NRG1: variants seen among roughly 807,000 people sequenced by gnomAD.
The protein encoded by NRG1 is neuregulin 1, also known as pro-neuregulin-1, membrane-bound isoform.
NRG1 carries 18 observed loss-of-function variants against 63.8 expected under a neutral mutation model. The observed-to-expected ratio is 0.28, with a 90% confidence interval of 0.19 to 0.42. The LOEUF (loss-of-function observed/expected upper bound fraction) is 0.42, where lower values mean the gene tolerates loss of function less well. Among genes scored for constraint, NRG1 ranks in the 10% least tolerant of loss-of-function variants. The pLI is 1.00. For synonymous variants in NRG1, 302 were observed against 301.3 expected, an observed-to-expected ratio of 1.00 and a Z score of -0.02; for missense variants, 762 against 814.7, an observed-to-expected ratio of 0.94 and a Z score of 0.79.
intron 1 of NRG1, among the ~76,000 whole-genome samples, chr8:32,132,583 A>G (rs1201974928): frequency 1.3e-5 from 2 of 151,672 alleles, no homozygotes; most frequent in Admixed American, 6.6e-5. Flanking sequence ...TTTCTTTCCT[A>G]TTTGCTAAGT....
chr8:31,805,981 A>T (rs533767897), intron 1 of NRG1, among the ~76,000 whole-genome samples: 2 of 152,166 alleles, frequency 1.3e-5, no homozygotes, highest in Non-Finnish European at 2.9e-5. Flanking sequence ...TTGCCACCTA[A>T]TGCCCATCAA....
At chr8:31,954,258 C>T (rs1360004532) in intron 1 of NRG1, among the ~76,000 whole-genome samples, 3 of 152,094 alleles carry the variant, frequency 2.0e-5, no homozygotes, top group Non-Finnish European at 4.4e-5. Flanking sequence ...GGTGAAGACA[C>T]TGAAATAACT....
intron 1 of NRG1, among the ~76,000 whole-genome samples, chr8:32,397,116 GTAGGTAGATAGATAGA>G (rs1417580465): frequency 7.2e-5 from 11 of 152,120 alleles, no homozygotes; most frequent in Middle Eastern, 3.2e-3. Flanking sequence ...AGGCAGATTA[GTAGGTAGATAGATAGA>G]TAGGTAGATA....
intron 1 of NRG1, among the ~76,000 whole-genome samples, chr8:31,857,541 C>T (rs984702132): frequency 1.3e-5 from 2 of 152,198 alleles, no homozygotes; most frequent in Non-Finnish European, 2.9e-5. Flanking sequence ...GAACCCGGTA[C>T]CTCAGATGGA....
chr8:32,434,746 A>G (rs1413534565), intron 1 of NRG1, among the ~76,000 whole-genome samples: 1 of 152,178 alleles, frequency 6.6e-6, no homozygotes, highest in Non-Finnish European at 1.5e-5. Flanking sequence ...CAGCCCTCCC[A>G]TATCTGGGGA....
At chr8:32,315,552 G>C (rs142750157) in intron 1 of NRG1, among the ~76,000 whole-genome samples, 1 of 152,142 alleles carries the variant, frequency 6.6e-6, no homozygotes, top group African/African-American at 2.4e-5. Flanking sequence ...CACACTCACC[G>C]AACTTTGCTT....
rs970789496 is a variant in NRG1, at chr8:32,703,991, G to C, written c.503-23958G>C. Among the ~76,000 whole-genome samples, 11 of 152,318 alleles carry C rather than the reference G, an allele frequency of 7.2e-5. No individual in the cohort carries two copies. In the East Asian group the frequency reaches 1.7e-3, roughly 24 times the overall value. On this transcript the variant is annotated intron_variant, in intron 5 of 11. Coordinates refer to ENST00000356819, the Ensembl canonical transcript of NRG1. The stretch of plus-strand genomic sequence containing the variant: ...GATACCATCAGCAAAAATGGAATAT[G>C]CTGAACAAGCACTTACAAAGTAGTG...
rs558012331 is a variant in NRG1 at position 32,633,873 on chromosome 8, G to A, written c.502+16988G>A. ...GGGAGCAGTAGTCTGTAGATGAGTC[G>A]ACTCTCACCTGTAGTCCCAGTACTT... On this transcript the variant is annotated intron_variant, in intron 5 of 11. Transcript: ENST00000356819. 8.5e-5 allele frequency among the ~76,000 whole-genome samples: 13 copies of A among 152,068 alleles called. No homozygotes were observed. In the East Asian group the frequency reaches 1.4e-3, roughly 16 times the overall value.
chr8:31,719,218 CATACCTTCTTCCTTT>C (rs1812663276), intron 1 of NRG1, among the ~76,000 whole-genome samples: 2 of 152,160 alleles, frequency 1.3e-5, no homozygotes. Flanking sequence ...TAGTTTCAGG[CATACCTTCTTCCTTT>C]AATCTCATTT....
chr8:32,507,532 A>G (rs943057693), intron 1 of NRG1, among the ~76,000 whole-genome samples: 1 of 152,196 alleles, frequency 6.6e-6, no homozygotes, highest in African/African-American at 2.4e-5. Flanking sequence ...GAAAAATGAT[A>G]AACAGCATGA....
intron 1 of NRG1, among the ~76,000 whole-genome samples, chr8:32,038,305 C>T (rs958456664): frequency 1.3e-5 from 2 of 152,100 alleles, no homozygotes; most frequent in African/African-American, 4.8e-5. Flanking sequence ...CTGTGGGTTG[C>T]GCCAACCATC....
chr8:32,328,338 G>A (rs548576144), intron 1 of NRG1, among the ~76,000 whole-genome samples: 1 of 151,946 alleles, frequency 6.6e-6, no homozygotes, highest in South Asian at 2.1e-4. Flanking sequence ...GGGGAGGGTA[G>A]TATAATTCAA....
At chr8:31,680,530 C>G (rs969325881) in intron 1 of NRG1, among the ~76,000 whole-genome samples, 7 of 150,956 alleles carry the variant, frequency 4.6e-5, no homozygotes, top group African/African-American at 1.7e-4. Context: ...TTTCTTAATC[C>G]AGTCTATCAT....
intron 5 of NRG1, among the ~76,000 whole-genome samples, chr8:32,623,255 G>C (rs961996679): frequency 2.6e-5 from 4 of 152,114 alleles, no homozygotes; most frequent in Non-Finnish European, 5.9e-5. Flanking sequence ...GTGGAATTTA[G>C]ACCCATGGCT....
chr8:32,254,311 C>T (rs1240825759), intron 1 of NRG1, among the ~76,000 whole-genome samples: 1 of 152,068 alleles, frequency 6.6e-6, no homozygotes, highest in African/African-American at 2.4e-5. Context: ...CTCCTGTGGG[C>T]ATTTAGTGCT....
intron 1 of NRG1, chr8:32,191,913 TC>T (rs1184923667): frequency 6.6e-6 from 1 of 152,264 alleles, no homozygotes; most frequent in Non-Finnish European, 1.5e-5. Flanking sequence ...AATCAGATCT[TC>T]CACCATCAGA....
At chr8:32,322,582 T>C (rs1801540248) in intron 1 of NRG1, among the ~76,000 whole-genome samples, 1 of 152,142 alleles carries the variant, frequency 6.6e-6, no homozygotes, top group Non-Finnish European at 1.5e-5. Flanking sequence ...GCTTCAGGCA[T>C]GAAGGACTTG....
intron 1 of NRG1, among the ~76,000 whole-genome samples, chr8:32,313,717 T>C (rs1857069580): frequency 6.6e-6 from 1 of 152,204 alleles, no homozygotes; most frequent in Non-Finnish European, 1.5e-5. Context: ...TTTCTGATTA[T>C]ACTGTAAAAC....
chr8:31,718,827 T>C (rs1441481806), intron 1 of NRG1, among the ~76,000 whole-genome samples: 1 of 152,184 alleles, frequency 6.6e-6, no homozygotes, highest in African/African-American at 2.4e-5. Flanking sequence ...TAGATATATA[T>C]GTGATGATTA....
Sources: allele counts gnomAD v4.1 joint callset (sites outside exome capture counted in the v4.1 genomes callset), GRCh38; gene constraint gnomAD v4.1.1; transcripts MANE v1.5; gene names NCBI Gene and HGNC (gene_info 2026-07-23, HGNC 2026-07-21).